The following MGMT variants were observed in gnomAD, a reference collection of about 807,000 sequenced individuals.
The protein encoded by MGMT is methylated-DNA--protein-cysteine methyltransferase.
A neutral mutation model predicts 15.9 loss-of-function variants in MGMT; 14 were observed. That is an observed-to-expected ratio of 0.88 (90% CI 0.58 to 1.37). The LOEUF (loss-of-function observed/expected upper bound fraction) is 1.37. Among genes scored for constraint, MGMT ranks in the 40% most tolerant of loss-of-function variants. The probability of loss-of-function intolerance (pLI) is 0.00; values close to 1 mark genes in which losing one functional copy is unlikely to be tolerated. For synonymous variants in MGMT, 130 were observed against 118.2 expected (o/e 1.10, Z -0.65); for missense variants, 282 against 268.1 (o/e 1.05, Z -0.36).
intron 2 of MGMT, among the ~76,000 whole-genome samples, chr10:129,704,594 G>T (rs771514095): frequency 6.6e-6 from 1 of 152,078 alleles, no homozygotes; most frequent in Non-Finnish European, 1.5e-5. Flanking sequence ...TCACAGGTCC[G>T]ACTGCTGGTC....
intron 1 of MGMT, among the ~76,000 whole-genome samples, chr10:129,509,008 A>C (rs1480397259): frequency 6.6e-6 from 1 of 152,228 alleles, no homozygotes; most frequent in African/African-American, 2.4e-5. Context: ...GTAAAATCAA[A>C]TAACTTGGCA....
chr10:129,520,948 T>G (rs1845801737), intron 1 of MGMT, among the ~76,000 whole-genome samples: 1 of 151,588 alleles, frequency 6.6e-6, no homozygotes, highest in African/African-American at 2.4e-5. Flanking sequence ...GCCCCTAAGG[T>G]GTGCCTACAG....
At chr10:129,575,649 T>A (rs1846472604) in intron 2 of MGMT, among the ~76,000 whole-genome samples, 1 of 146,976 alleles carries the variant, frequency 6.8e-6, no homozygotes, top group South Asian at 2.3e-4. Flanking sequence ...GCAAACACAT[T>A]CAAAAGCTAG....
intron 2 of MGMT, among the ~76,000 whole-genome samples, chr10:129,643,764 T>C (rs1847355270): frequency 6.6e-6 from 1 of 152,226 alleles, no homozygotes; most frequent in African/African-American, 2.4e-5. Flanking sequence ...TCTTTGGTCT[T>C]AACAACCCAA....
At chr10:129,581,438 T>G (rs897898377) in intron 2 of MGMT, among the ~76,000 whole-genome samples, 11 of 152,318 alleles carry the variant, frequency 7.2e-5, no homozygotes, top group South Asian at 6.2e-4. Context: ...TGGCATGGTC[T>G]CGCAGCCAAG....
chr10:129,576,024 G>C (rs1846478339), intron 2 of MGMT, among the ~76,000 whole-genome samples: 2 of 152,204 alleles, frequency 1.3e-5, no homozygotes, highest in Admixed American at 1.3e-4. Flanking sequence ...AATAGGCTCT[G>C]AAATTGAGGC....
chr10:129,518,760 T>G, intron 1 of MGMT, among the ~76,000 whole-genome samples: 1 of 151,238 alleles, frequency 6.6e-6, no homozygotes, highest in Non-Finnish European at 1.5e-5. Context: ...TGAATGTTTA[T>G]GTTATCATTA....
intron 2 of MGMT, among the ~76,000 whole-genome samples, chr10:129,696,151 A>T (rs1234057890): frequency 2.0e-5 from 3 of 152,140 alleles, no homozygotes; most frequent in Non-Finnish European, 2.9e-5. Flanking sequence ...AGAGGCCCAG[A>T]AGCCTAGAGG....
At chr10:129,740,062 A>C (rs1030685675) in intron 3 of MGMT, among the ~76,000 whole-genome samples, 30 of 152,234 alleles carry the variant, frequency 2.0e-4, no homozygotes, top group African/African-American at 7.0e-4. Flanking sequence ...AAATCTAAAG[A>C]TGTTTAAAAC....
chr10:129,720,212 C>A (rs542528139), intron 3 of MGMT, among the ~76,000 whole-genome samples: 28 of 152,330 alleles, frequency 1.8e-4, no homozygotes, highest in African/African-American at 6.0e-4. Context: ...CATTTTTCAA[C>A]CATTATTTCT....
At chr10:129,685,408 C>T (rs989731747) in intron 2 of MGMT, among the ~76,000 whole-genome samples, 1 of 152,176 alleles carries the variant, frequency 6.6e-6, no homozygotes, top group Non-Finnish European at 1.5e-5. Flanking sequence ...AGGGGCTAGT[C>T]CTGTCTTCCC....
At chr10:129,512,272 T>C (rs1015891312) in intron 1 of MGMT, among the ~76,000 whole-genome samples, 10 of 152,190 alleles carry the variant, frequency 6.6e-5, no homozygotes, top group African/African-American at 2.4e-4. Flanking sequence ...GTTTTCTTTA[T>C]ATCAACTTAT....
chr10:129,629,443 T>C (rs1421915615), intron 2 of MGMT, among the ~76,000 whole-genome samples: 1 of 152,200 alleles, frequency 6.6e-6, no homozygotes, highest in Non-Finnish European at 1.5e-5. Context: ...ATAGGCTGTC[T>C]GTGGCTACTT....
intron 2 of MGMT, among the ~76,000 whole-genome samples, chr10:129,537,325 C>A (rs117610876): frequency 1.3e-5 from 2 of 152,306 alleles, no homozygotes; most frequent in Non-Finnish European, 2.9e-5. Context: ...TATCAGCACT[C>A]GCCTCCGCTG....
intron 2 of MGMT, among the ~76,000 whole-genome samples, chr10:129,545,458 G>A (rs901858503): frequency 2.0e-5 from 3 of 152,214 alleles, no homozygotes; most frequent in Non-Finnish European, 4.4e-5. Context: ...GTACACATGA[G>A]TCATTGTAAA....
intron 1 of MGMT, among the ~76,000 whole-genome samples, chr10:129,518,373 C>CA (rs1260129134): frequency 1.5e-4 from 22 of 149,890 alleles, no homozygotes; most frequent in African/African-American, 4.7e-4. Context: ...CACACACACA[C>CA]ATTTGGCCCT....
chr10:129,719,608 G>T (rs891815565), intron 3 of MGMT, among the ~76,000 whole-genome samples: 2 of 152,226 alleles, frequency 1.3e-5, no homozygotes, highest in Admixed American at 1.3e-4. Context: ...GGCGTGCATC[G>T]CTCGGGTCTC....
intron 1 of MGMT, among the ~76,000 whole-genome samples, chr10:129,473,259 A>G (rs1468370067): frequency 1.3e-5 from 2 of 152,244 alleles, no homozygotes; most frequent in Non-Finnish European, 2.9e-5. Flanking sequence ...AAACTTGGTC[A>G]AAAATGGGAA....
chr10:129,769,973 C>G lies in MGMT; in HGVS notation c.*2976C>G, dbSNP rs2133193505. On this transcript the variant is annotated 3_prime_UTR_variant, in exon 5 of 5. Coordinates refer to ENST00000651593, the MANE Select transcript of MGMT (RefSeq NM_002412.5). ...TTGCAGAGGAAGTGGGCAAGCTCAC[C>G]TTGTAGAGAACTTACTTGGGGTTTG... Among the ~76,000 whole-genome samples, 1 of 152,272 alleles carries G rather than the reference C, an allele frequency of 6.6e-6. No individual in the cohort carries two copies. The highest frequency in any genetic ancestry group is 3.4e-3 in the Middle Eastern group (1 of 294).
Sources: gnomAD v4.1 joint callset for allele counts (sites outside exome capture counted in the v4.1 genomes callset) on GRCh38, gnomAD v4.1.1 for gene constraint, MANE v1.5 for transcripts, NCBI Gene and HGNC (gene_info 2026-07-23, HGNC 2026-07-21) for gene names.